Variants in NBAS observed in about 807,000 individuals in gnomAD.
NBAS encodes NAG/BC035112 fusion.
Under a neutral mutation model 302.5 loss-of-function variants are expected in NBAS, and 219 were observed. That is an observed-to-expected ratio of 0.72 (90% CI 0.65 to 0.81). The LOEUF is 0.81. Among genes scored for constraint, NBAS ranks in the 30% least tolerant of loss-of-function variants. The pLI is 0.00. For missense variants in NBAS, 2,932 were observed against 2,841.6 expected (o/e 1.03, Z -0.72); for synonymous variants, 1,118 against 1,021.6 (o/e 1.09, Z -1.80).
At chr2:14,890,288 GA>G in the NBAS span, among the ~76,000 whole-genome samples, 2 of 152,066 alleles carry the variant, frequency 1.3e-5, no homozygotes, top group African/African-American at 4.8e-5. Context: ...TTTAGCTAAG[GA>G]AGTGGAATGT....
the NBAS span, among the ~76,000 whole-genome samples, chr2:15,154,970 A>G: frequency 6.6e-6 from 1 of 152,196 alleles, no homozygotes; most frequent in Non-Finnish European, 1.5e-5. Flanking sequence ...AGAGTTTACA[A>G]ATTTGTTGCT....
chr2:15,277,427 G>GC (rs1227733100), intron 42 of NBAS, among the ~76,000 whole-genome samples: 1 of 152,082 alleles, frequency 6.6e-6, no homozygotes, highest in East Asian at 1.9e-4. Flanking sequence ...ACATCTGTCA[G>GC]CGTCCACTCT....
chr2:15,194,511 A>G (rs958590974), intron 48 of NBAS, among the ~76,000 whole-genome samples: 3 of 152,222 alleles, frequency 2.0e-5, no homozygotes, highest in Non-Finnish European at 4.4e-5. Flanking sequence ...ACAAATTAAA[A>G]GAACCTGCCA....
the NBAS span, among the ~76,000 whole-genome samples, chr2:14,974,412 G>C: frequency 6.6e-6 from 1 of 152,314 alleles, no homozygotes; most frequent in East Asian, 1.9e-4. Flanking sequence ...TGCTGGTAGG[G>C]GAGGTAAGAG....
intron 40 of NBAS, among the ~76,000 whole-genome samples, chr2:15,294,213 T>C (rs1403952823): frequency 6.6e-6 from 1 of 152,178 alleles, no homozygotes. Flanking sequence ...GGGCAGGTGT[T>C]ATCGAAGTCT....
intron 9 of NBAS, among the ~76,000 whole-genome samples, chr2:15,525,197 T>C (rs193126198): frequency 2.4e-3 from 373 of 152,256 alleles, no homozygotes; most frequent in African/African-American, 8.3e-3. Flanking sequence ...AAGTAAGTCT[T>C]GTCTCTGAAG....
intron 14 of NBAS, among the ~76,000 whole-genome samples, chr2:15,474,579 T>TTC (rs1680108261): frequency 8.0e-6 from 1 of 125,376 alleles, no homozygotes; most frequent in Non-Finnish European, 1.7e-5. Flanking sequence ...TCTTCTTCTT[T>TTC]GAGATGGAGC....
At chr2:15,071,393 A>G in the NBAS span, among the ~76,000 whole-genome samples, 2 of 152,294 alleles carry the variant, frequency 1.3e-5, no homozygotes, top group Admixed American at 1.3e-4. Context: ...TGGGAGGCCA[A>G]GGCGGGCAGA....
At chr2:15,234,830 C>T (rs1667524168) in intron 45 of NBAS, 83 bp from the exon 46 acceptor site, 1 of 1,390,162 alleles carries the variant, frequency 7.2e-7, no homozygotes, top group Non-Finnish European at 1.0e-6. Context: ...ATATTTAGAT[C>T]CTCGAACCAA....
chr2:15,051,119 G>A, the NBAS span, among the ~76,000 whole-genome samples: 1 of 152,182 alleles, frequency 6.6e-6, no homozygotes, highest in African/African-American at 2.4e-5. Flanking sequence ...GTGAATGAGA[G>A]AATCAATTAT....
chr2:15,212,121 T>TAAC (rs992586145), intron 48 of NBAS, among the ~76,000 whole-genome samples: 1 of 152,200 alleles, frequency 6.6e-6, no homozygotes, highest in Non-Finnish European at 1.5e-5. Context: ...CCATGGATAC[T>TAAC]AACACTTTAC....
At chr2:14,984,040 A>G in the NBAS span, among the ~76,000 whole-genome samples, 1 of 152,190 alleles carries the variant, frequency 6.6e-6, no homozygotes, top group Non-Finnish European at 1.5e-5. Context: ...TAAAAAATGC[A>G]ATTTCAGAAC....
At chr2:14,849,554 C>T in the NBAS span, among the ~76,000 whole-genome samples, 631 of 150,936 alleles carry the variant, frequency 4.2e-3, 3 homozygotes, top group African/African-American at 0.015. Context: ...GGCAGGCCAA[C>T]GTTCAGATTC....
chr2:14,854,117 T>G, the NBAS span, among the ~76,000 whole-genome samples: 1 of 151,058 alleles, frequency 6.6e-6, no homozygotes, highest in African/African-American at 2.4e-5. Context: ...ATTGAAAAAT[T>G]TATTAAAACT....
chr2:15,427,500 AT>A (rs559344021), intron 22 of NBAS, among the ~76,000 whole-genome samples: 5 of 152,192 alleles, frequency 3.3e-5, no homozygotes. Flanking sequence ...AATAAGCACC[AT>A]TTTTTAACAT....
Position 15,424,471 on chromosome 2 carries a change from G to T in NBAS, c.2424-3C>A. ...GGAGATTCGGCTCAACAACCATTCT[G>T]TGAAGCACAAAAGGACCAATTAATA... On this transcript the variant is annotated splice_polypyrimidine_tract_variant and splice_region_variant and intron_variant, in intron 22 of 51. Transcript: ENST00000281513. The T allele has an allele frequency of 6.2e-7, 1 of 1,614,010 alleles. No homozygotes were observed. The highest frequency in any genetic ancestry group is 1.1e-5 in the South Asian group (1 of 91,084).
At chr2:15,468,147 T>TAGTA (rs58103047) in intron 17 of NBAS, among the ~76,000 whole-genome samples, 2,965 of 151,762 alleles carry the variant, frequency 0.02, 68 homozygotes, top group East Asian at 0.059. Flanking sequence ...CTTCAAATGG[T>TAGTA]AGTGTCAGTC....
intron 16 of NBAS, among the ~76,000 whole-genome samples, chr2:15,472,582 C>A (rs187872756): frequency 6.6e-6 from 1 of 152,112 alleles, no homozygotes. Context: ...CTCACTGGCC[C>A]CCCCCAGAAG....
At chr2:15,328,433 C>A in intron 36 of NBAS, 121 bp from the exon 37 acceptor site, 1 of 794,248 alleles carries the variant, frequency 1.3e-6, no homozygotes, top group Non-Finnish European at 2.1e-6. Context: ...TCAAAAGAAA[C>A]TGGTAATGCC....
Sources: gnomAD v4.1 joint callset for allele counts (sites outside exome capture counted in the v4.1 genomes callset) on GRCh38, gnomAD v4.1.1 for gene constraint, MANE v1.5 for transcripts, NCBI Gene and HGNC (gene_info 2026-07-23, HGNC 2026-07-21) for gene names.